Variants in FSTL4 observed in about 807,000 individuals in gnomAD.
The protein encoded by FSTL4 is follistatin-related protein 4.
FSTL4 carries 28 observed loss-of-function variants against 78.2 expected under a neutral mutation model. The observed-to-expected ratio is 0.36, with a 90% confidence interval of 0.27 to 0.49. FSTL4 has a LOEUF of 0.49. Ranked by LOEUF, FSTL4 falls within the 20% of genes least tolerant of loss-of-function variation. The probability of loss-of-function intolerance (pLI) is 0.98; values close to 1 mark genes in which losing one functional copy is unlikely to be tolerated. For missense variants in FSTL4, 922 were observed against 1,084.9 expected, an observed-to-expected ratio of 0.85 and a Z score of 2.11; for synonymous variants, 422 against 440.5, an observed-to-expected ratio of 0.96 and a Z score of 0.53.
chr5:133,365,216 T>C (rs558202312), intron 4 of FSTL4, among the ~76,000 whole-genome samples: 76 of 151,840 alleles, frequency 5.0e-4, no homozygotes, highest in African/African-American at 1.8e-3. Context: ...AGGCTGGTCA[T>C]GGCAAAAGTT....
At chr5:133,488,136 T>C (rs150011996) in intron 3 of FSTL4, among the ~76,000 whole-genome samples, 169 of 152,372 alleles carry the variant, frequency 1.1e-3, no homozygotes, top group African/African-American at 3.8e-3. Flanking sequence ...TCTGCTACCA[T>C]ATACACATAT....
In FSTL4 at chr5:133,221,912, T is replaced by TTTG. The variant is rs1561626818; in HGVS notation, c.1340-1047_1340-1046insCAA. ...TCTAGTTTTTTTTTTTTTTTTTTTT[T>TTTG]TTTTTTTTTTTTTTTAGCATGCTGA... On this transcript the variant is annotated intron_variant, in intron 11 of 15. Transcript: ENST00000265342. 5.4e-3 allele frequency among the ~76,000 whole-genome samples: 620 copies of TTTG among 113,986 alleles called. 19 individuals carry two copies. The highest frequency in any genetic ancestry group is 0.027 in the African/African-American group (587 of 21,648). The allele number at this position is 113,986 out of a possible 152,430, so 74.8% of individuals were successfully genotyped here.
intron 2 of FSTL4, among the ~76,000 whole-genome samples, chr5:133,581,497 A>G (rs1301600547): frequency 6.6e-6 from 1 of 152,260 alleles, no homozygotes; most frequent in African/African-American, 2.4e-5. Flanking sequence ...CACGTGCCAC[A>G]TCAGGAATCA....
the FSTL4 span, among the ~76,000 whole-genome samples, chr5:133,702,488 G>A: frequency 2.5e-4 from 38 of 152,156 alleles, no homozygotes; most frequent in Admixed American, 3.3e-4. Flanking sequence ...TGGGGCCCCC[G>A]GAGTCCGGGG....
chr5:133,412,076 T>C (rs929410113), intron 3 of FSTL4, among the ~76,000 whole-genome samples: 6 of 152,174 alleles, frequency 3.9e-5, no homozygotes, highest in Middle Eastern at 6.3e-3. Context: ...GAACATTGCT[T>C]ATTCGTGGGT....
chr5:133,611,085 C>A lies in FSTL4; in HGVS notation c.-11+1240G>T, dbSNP rs1480941414. Among the ~76,000 whole-genome samples the A allele has an allele frequency of 6.6e-6, 1 of 152,140 alleles. No individual in the cohort carries two copies. The highest frequency in any genetic ancestry group is 2.4e-5 in the African/African-American group (1 of 41,444). The stretch of plus-strand genomic sequence containing the variant: ...TGTTTTTCACTGGAGGAAAGCTCGG[C>A]GGAAGCGACACCTAGAGGGGAGCGG... On this transcript the variant is annotated intron_variant, in intron 1 of 15. Transcript: ENST00000265342. The surrounding 1 kb of genome is among the most constrained non-coding windows in gnomAD (Gnocchi z 4.9).
At chr5:133,415,663 G>A (rs967061237) in intron 3 of FSTL4, among the ~76,000 whole-genome samples, 3 of 152,122 alleles carry the variant, frequency 2.0e-5, no homozygotes, top group Non-Finnish European at 2.9e-5. Flanking sequence ...TGGCTTTGTC[G>A]GTCTCCGGTA....
At chr5:133,315,908 T>G (rs1488953877) in intron 5 of FSTL4, among the ~76,000 whole-genome samples, 2 of 152,192 alleles carry the variant, frequency 1.3e-5, no homozygotes, top group Non-Finnish European at 1.5e-5. Flanking sequence ...ACAAAGGACA[T>G]GTGTGCTGTG....
chr5:133,654,100 A>G, the FSTL4 span, among the ~76,000 whole-genome samples: 1 of 152,316 alleles, frequency 6.6e-6, no homozygotes, highest in South Asian at 2.1e-4. Context: ...CTAGAGGCTT[A>G]TTTGAAGCAA....
At chr5:133,268,218 G>A (rs1410780911) in intron 6 of FSTL4, among the ~76,000 whole-genome samples, 5 of 152,238 alleles carry the variant, frequency 3.3e-5, no homozygotes, top group East Asian at 1.9e-4. Context: ...CACCAAGAGC[G>A]GAGGCTAGAT....
At chr5:133,264,257 T>C (rs1752597191) in intron 6 of FSTL4, among the ~76,000 whole-genome samples, 1 of 152,166 alleles carries the variant, frequency 6.6e-6, no homozygotes, top group African/African-American at 2.4e-5. Flanking sequence ...GCAATAAAAA[T>C]GTGACTTGCA....
chr5:133,282,795 C>T (rs1164301986), intron 6 of FSTL4, among the ~76,000 whole-genome samples: 2 of 152,192 alleles, frequency 1.3e-5, no homozygotes, highest in East Asian at 3.9e-4. Context: ...CACCCTTGCC[C>T]TAGTTGTCTG....
intron 3 of FSTL4, among the ~76,000 whole-genome samples, chr5:133,564,573 AG>A (rs1759986897): frequency 6.6e-6 from 1 of 152,190 alleles, no homozygotes; most frequent in African/African-American, 2.4e-5. Context: ...AGAAGGCAGG[AG>A]GGTCTCTGAT....
chr5:133,418,697 T>C (rs250852), intron 3 of FSTL4, among the ~76,000 whole-genome samples: 116,601 of 152,112 alleles, frequency 0.77, 45,592 homozygotes, highest in African/African-American at 0.94. Context: ...ACTGAGAGGA[T>C]GGAAATAGCA....
chr5:133,824,556 C>T, the FSTL4 span, among the ~76,000 whole-genome samples: 2 of 152,138 alleles, frequency 1.3e-5, no homozygotes, highest in African/African-American at 4.8e-5. Context: ...TATCAGAGTA[C>T]CTGAGTATAT....
chr5:133,506,065 C>A (rs1758606229), intron 3 of FSTL4, among the ~76,000 whole-genome samples: 1 of 152,174 alleles, frequency 6.6e-6, no homozygotes, highest in African/African-American at 2.4e-5. Flanking sequence ...GGACCTTCAC[C>A]TTCAGGAAGT....
chr5:133,589,133 T>C lies in FSTL4; in HGVS notation c.126+14725A>G, dbSNP rs1403398990. ...GGGGAATATCACACTCTGGGGACTG[T>C]GGTGGGGTCGGGGGAGGGGGGAGGG... On this transcript the variant is annotated intron_variant, in intron 2 of 15. Coordinates refer to ENST00000265342, the MANE Select transcript of FSTL4 (RefSeq NM_015082.2). Among the ~76,000 whole-genome samples, 7 of 45,176 alleles carry C rather than the reference T, an allele frequency of 1.5e-4. 1 individual carries two copies. The highest frequency in any genetic ancestry group is 8.5e-4 in the East Asian group (1 of 1,176). 29.6% of individuals were successfully genotyped at this position (45,176 alleles called of 152,430 possible).
chr5:133,235,766 T>C (rs1751642008), intron 7 of FSTL4, among the ~76,000 whole-genome samples: 1 of 152,194 alleles, frequency 6.6e-6, no homozygotes, highest in African/African-American at 2.4e-5. Context: ...GAAGCCTCCA[T>C]GATAAAATAA....
At chr5:133,789,947 G>A in the FSTL4 span, among the ~76,000 whole-genome samples, 2 of 152,066 alleles carry the variant, frequency 1.3e-5, no homozygotes, top group African/African-American at 4.8e-5. Context: ...TGCATTTTGG[G>A]GAGACATAAA....
Sources: gnomAD v4.1 joint callset for allele counts (sites outside exome capture counted in the v4.1 genomes callset) on GRCh38, gnomAD v4.1.1 for gene constraint, Gnocchi (gnomAD v3.1) non-coding constraint, MANE v1.5 for transcripts, NCBI Gene and HGNC (gene_info 2026-07-23, HGNC 2026-07-21) for gene names.